REPS2: variants seen among roughly 807,000 people sequenced by gnomAD.
REPS2 encodes ralBP1-associated Eps domain-containing protein 2.
Under a neutral mutation model 53.6 loss-of-function variants are expected in REPS2, and 23 were observed. The ratio of observed to expected loss-of-function variants is 0.43; its 90% confidence interval spans 0.31 to 0.61. The LOEUF is 0.61. REPS2 is among the 20% of genes least tolerant of loss of function. The pLI is 0.11. For missense variants in REPS2, 446 were observed against 534.9 expected (o/e 0.83, Z 1.64); for synonymous variants, 238 against 218.6 (o/e 1.09, Z -0.78).
chrX:17,060,465 G>A (rs2062144675), intron 8 of REPS2, among the ~76,000 whole-genome samples: 2 of 111,484 alleles, frequency 1.8e-5, no homozygotes, highest in African/African-American at 6.5e-5. Flanking sequence ...TCAGAATGCT[G>A]TATGACAGAG....
chrX:16,946,729 GGGTGGTGGTGGC>G lies in REPS2; in HGVS notation c.-130_-119del, dbSNP rs2060430997. 1.5e-6 allele frequency: 1 copy of G among 671,804 alleles called. No homozygotes were observed. The highest frequency in any genetic ancestry group is 7.3e-5 in the South Asian group (1 of 13,771). 55.4% of individuals were successfully genotyped at this position (671,804 alleles called of 1,213,427 possible). A position where few individuals can be genotyped will look rare whatever the true frequency, so the allele number is the denominator to read the frequency against. ...GCCGCGCGGCAGCTGCGGGGCGTGG[GGGTGGTGGTGGC>G]GGCGGCGGTGGTGGCGGCGGCGGCG... On this transcript the variant is annotated 5_prime_UTR_variant, in exon 1 of 18. Transcript: ENST00000357277.
At chrX:16,955,924 A>G (rs1246824406) in intron 1 of REPS2, among the ~76,000 whole-genome samples, 1 of 112,609 alleles carries the variant, frequency 8.9e-6, no homozygotes, top group Admixed American at 9.4e-5. Context: ...TTGCTCAGCC[A>G]CTAATTTAGA....
At chrX:17,126,371 C>T (rs753525923) in intron 14 of REPS2, among the ~76,000 whole-genome samples, 4 of 112,032 alleles carry the variant, frequency 3.6e-5, no homozygotes, top group Non-Finnish European at 7.5e-5. Flanking sequence ...TGGAATATGG[C>T]GTTTGGCATT....
chrX:16,964,061 T>A (rs1472184382), intron 1 of REPS2, among the ~76,000 whole-genome samples: 1 of 107,387 alleles, frequency 9.3e-6, no homozygotes, highest in Non-Finnish European at 1.9e-5. Context: ...TGATCATTCT[T>A]GGGTGTTTCT....
intron 11 of REPS2, 111 bp from the exon 12 acceptor site, chrX:17,074,003 T>G (rs974741529): frequency 1.5e-5 from 8 of 530,314 alleles, no homozygotes; most frequent in Non-Finnish European, 2.5e-5. Context: ...GTTCTCCACA[T>G]GGGCACTTTT....
At chrX:17,009,434 T>G (rs2061402822) in intron 2 of REPS2, among the ~76,000 whole-genome samples, 1 of 104,468 alleles carries the variant, frequency 9.6e-6, no homozygotes, top group Non-Finnish European at 2.0e-5. Flanking sequence ...GCCTCCCAAC[T>G]TTTTTTTTTT....
At chrX:17,128,830 A>G (rs1037938521) in intron 14 of REPS2, among the ~76,000 whole-genome samples, 6 of 112,006 alleles carry the variant, frequency 5.4e-5, no homozygotes, top group Admixed American at 1.9e-4. Context: ...GAGTGAAAGT[A>G]TATTTGCCAT....
chrX:17,113,024 G>A (rs1396330384), intron 14 of REPS2, among the ~76,000 whole-genome samples: 2 of 95,854 alleles, frequency 2.1e-5, no homozygotes, highest in Non-Finnish European at 4.2e-5. Context: ...CCCAGGAGGC[G>A]GAGCTTGCAG....
At chrX:17,111,758 C>T (rs946179308) in intron 14 of REPS2, among the ~76,000 whole-genome samples, 13 of 111,750 alleles carry the variant, frequency 1.2e-4, no homozygotes, top group Admixed American at 1.1e-3. Context: ...ATGGACCTAT[C>T]GCCCCTTCTA....
intron 14 of REPS2, among the ~76,000 whole-genome samples, chrX:17,115,031 C>G (rs974615752): frequency 2.7e-5 from 3 of 112,062 alleles, no homozygotes; most frequent in African/African-American, 9.7e-5. Context: ...GGTTGCCCCT[C>G]CACACCTGTG....
chrX:17,059,830 A>T (rs2062131951), intron 8 of REPS2, among the ~76,000 whole-genome samples: 1 of 111,343 alleles, frequency 9.0e-6, no homozygotes, highest in South Asian at 3.8e-4. Context: ...GCAATTATGG[A>T]AATAGTCCCT....
intron 8 of REPS2, among the ~76,000 whole-genome samples, chrX:17,061,374 G>A (rs762495187): frequency 7.6e-4 from 85 of 112,022 alleles, no homozygotes; most frequent in African/African-American, 2.8e-3. Flanking sequence ...TCCTGGGCTC[G>A]AGCAATCCTC....
intron 12 of REPS2, among the ~76,000 whole-genome samples, chrX:17,075,791 C>T (rs888283960): frequency 8.9e-6 from 1 of 112,856 alleles, no homozygotes; most frequent in African/African-American, 3.2e-5. Flanking sequence ...ACATTATTTA[C>T]ACACACATTA....
intron 9 of REPS2, among the ~76,000 whole-genome samples, chrX:17,064,278 C>T (rs768213869): frequency 8.0e-5 from 9 of 111,802 alleles, no homozygotes; most frequent in Middle Eastern, 4.7e-3. Flanking sequence ...TTAAGAAGTA[C>T]GGGTCAGATT....
chrX:17,034,967 C>T (rs936497977), intron 5 of REPS2, among the ~76,000 whole-genome samples: 1 of 110,790 alleles, frequency 9.0e-6, no homozygotes, highest in Non-Finnish European at 1.9e-5. Flanking sequence ...ACTTAGTTAT[C>T]TCCTTTCCTC....
chrX:17,181,846 A>G, the REPS2 span, among the ~76,000 whole-genome samples: 24 of 111,960 alleles, frequency 2.1e-4, no homozygotes, highest in Admixed American at 5.7e-4. Flanking sequence ...TTTTGTTCAC[A>G]TGGGTATTTT....
chrX:17,043,950 A>G (rs913327996), intron 5 of REPS2, among the ~76,000 whole-genome samples: 6 of 112,285 alleles, frequency 5.3e-5, no homozygotes, highest in African/African-American at 1.9e-4. Context: ...ACCCCTGAGG[A>G]GTGAGCATGT....
intron 11 of REPS2, among the ~76,000 whole-genome samples, chrX:17,071,407 C>T (rs1425145202): frequency 9.2e-6 from 1 of 108,145 alleles, no homozygotes; most frequent in Non-Finnish European, 1.9e-5. Context: ...GATCAAGTGT[C>T]CTCTGGGGCA....
intron 13 of REPS2, among the ~76,000 whole-genome samples, chrX:17,102,510 T>G (rs1234552562): frequency 1.8e-5 from 2 of 112,438 alleles, no homozygotes; most frequent in Non-Finnish European, 3.7e-5. Flanking sequence ...GCTTTGTTAT[T>G]GACAGCTGTT....
Sources: allele counts gnomAD v4.1 joint callset (sites outside exome capture counted in the v4.1 genomes callset), GRCh38; gene constraint gnomAD v4.1.1; transcripts MANE v1.5; gene names NCBI Gene and HGNC (gene_info 2026-07-23, HGNC 2026-07-21).